CROCC2: variants seen among roughly 807,000 people sequenced by gnomAD.
CROCC2 encodes ciliary rootlet coiled-coil, rootletin family member 2.
A neutral mutation model predicts 177.6 loss-of-function variants in CROCC2; 163 were observed. The ratio of observed to expected loss-of-function variants is 0.92; its 90% CI spans 0.81 to 1.05. CROCC2 has a LOEUF of 1.05. Ranked by LOEUF, CROCC2 falls within the 50% of genes least tolerant of loss-of-function variation. The pLI is 0.00. For missense variants in CROCC2, 1,929 were observed against 1,797.8 expected (o/e 1.07, Z -1.32); for synonymous variants, 904 against 787.3 (o/e 1.15, Z -2.48).
intron 4 of CROCC2, among the ~76,000 whole-genome samples, chr2:240,923,152 G>A (rs947608737): frequency 6.6e-5 from 10 of 152,006 alleles, no homozygotes; most frequent in African/African-American, 1.9e-4. Flanking sequence ...GCCTCTCCAC[G>A]CTCTGCCATC....
At chr2:240,945,900 C>T (rs1415582155) in intron 14 of CROCC2, among the ~76,000 whole-genome samples, 160 bp from the exon 15 acceptor site, 1 of 152,108 alleles carries the variant, frequency 6.6e-6, no homozygotes, top group Non-Finnish European at 1.5e-5. Flanking sequence ...TAAAAACATA[C>T]ATGTGTTTCT....
chr2:240,961,781 TCA>T lies in CROCC2; in HGVS notation c.3088-1767_3088-1766del, dbSNP rs537407707. ...ACTGGCTCTCACACACACACACTCA[TCA>T]CACACACGCACTCACACATACACTC... On this transcript the variant is annotated intron_variant, in intron 20 of 31. Transcript: ENST00000690015. Among the ~76,000 whole-genome samples the T allele has an allele frequency of 1.0e-3, 50 of 48,320 alleles. No homozygotes were observed. The South Asian group carries it at 0.014, about 13-fold the overall frequency. 31.7% of individuals were successfully genotyped at this position (48,320 alleles called of 152,430 possible). A position where few individuals can be genotyped will look rare whatever the true frequency, so the allele number is the denominator to read the frequency against.
intron 14 of CROCC2, among the ~76,000 whole-genome samples, chr2:240,940,844 C>T (rs1413490323): frequency 1.1e-4 from 17 of 152,174 alleles, no homozygotes; most frequent in South Asian, 6.2e-4. Context: ...AATTCTTAGC[C>T]GGAGCAATCA....
intron 5 of CROCC2, among the ~76,000 whole-genome samples, chr2:240,926,727 C>G (rs187341283): frequency 1.6e-4 from 25 of 152,350 alleles, no homozygotes; most frequent in Admixed American, 1.6e-3. Context: ...GAGGTCCCAG[C>G]CCCGAGCCCC....
chr2:240,992,044 A>G (rs930816216), intron 31 of CROCC2, among the ~76,000 whole-genome samples: 60 of 152,278 alleles, frequency 3.9e-4, no homozygotes, highest in African/African-American at 1.4e-3. Flanking sequence ...AGAGCCTCCC[A>G]TGTTCCCGGC....
intron 18 of CROCC2, among the ~76,000 whole-genome samples, chr2:240,954,263 G>A (rs187586979): frequency 8.2e-4 from 125 of 152,290 alleles, no homozygotes; most frequent in Middle Eastern, 6.8e-3. Flanking sequence ...CTGACCCAGA[G>A]AGCACAGACC....
chr2:240,911,017 G>A (rs935489430), intron 1 of CROCC2, among the ~76,000 whole-genome samples: 1 of 152,044 alleles, frequency 6.6e-6, no homozygotes, highest in Non-Finnish European at 1.5e-5. Flanking sequence ...TGTAATCCCA[G>A]CTACTCAGGA....
Position 240,931,142 on chromosome 2 carries a change from G to T in CROCC2, c.947+14G>T. ...GCTCCAGGCCAGGTGGGCGCCCAGG[G>T]CCAGCAAGCTTGCACAGGGAGGGCC... is the stretch of plus-strand genomic sequence containing the variant. On this transcript the variant is annotated intron_variant, in intron 7 of 31. Coordinates refer to ENST00000690015, the MANE Select transcript of CROCC2 (RefSeq NM_001351305.2). 1 of 705,824 alleles carries T rather than the reference G, an allele frequency of 1.4e-6. No homozygotes were observed. 43.7% of individuals were successfully genotyped at this position (705,824 alleles called of 1,614,324 possible).
Position 240,965,992 on chromosome 2 carries a change from A to AG in CROCC2, c.3961+1dup. The AG allele has an allele frequency of 4.4e-6, 6 of 1,360,846 alleles. No individual in the cohort carries two copies. Among genetic ancestry groups the AG allele is most frequent in the Non-Finnish European group, 5.6e-6 (6 of 1,063,978 alleles). The allele number at this position is 1,360,846 out of a possible 1,614,324, so 84.3% of individuals were successfully genotyped here. A position where few individuals can be genotyped will look rare whatever the true frequency, so the allele number is the denominator to read the frequency against. ...CGGAGCAGCCTGGTTCCCCCACCAA[A>AG]GGTCAGAGTCCTCAGTGGAGGCAGG... On this transcript the variant is annotated frameshift_variant and splice_region_variant, in exon 24 of 32. Coordinates refer to ENST00000690015, the MANE Select transcript of CROCC2 (RefSeq NM_001351305.2). LOFTEE classifies it high-confidence loss of function.
rs775868131 is a variant in CROCC2 at position 240,958,902 on chromosome 2, G to A, written c.2944-399G>A. Among the ~76,000 whole-genome samples, 96 of 152,202 alleles carry A rather than the reference G, an allele frequency of 6.3e-4. No individual in the cohort carries two copies. Among genetic ancestry groups the A allele is most frequent in the Non-Finnish European group, 1.2e-3 (82 of 68,010 alleles). On this transcript the variant is annotated intron_variant, in intron 19 of 31. Transcript: ENST00000690015. This position sits in a 1 kb window ranked among gnomAD's most constrained non-coding sequence, Gnocchi z 6.7. ...ATCCCTGCTGGCCACACTGCCCCAAGGCCCGAGAGGACACCTCGGGTGGTG... is the reference window on the plus strand; with the variant it reads ...ATCCCTGCTGGCCACACTGCCCCAAAGCCCGAGAGGACACCTCGGGTGGTG...
chr2:240,915,764 C>T (rs370007756), intron 1 of CROCC2, among the ~76,000 whole-genome samples: 5 of 152,118 alleles, frequency 3.3e-5, no homozygotes, highest in African/African-American at 1.2e-4. Flanking sequence ...GGGCCAGCTA[C>T]CCCTAGCGTA....
At chr2:240,991,634 C>G (rs2059880270) in intron 31 of CROCC2, among the ~76,000 whole-genome samples, 1 of 152,202 alleles carries the variant, frequency 6.6e-6, no homozygotes, top group East Asian at 1.9e-4. Context: ...ACAGCCCCTT[C>G]CCCTCCGGCA....
intron 18 of CROCC2, chr2:240,954,673 T>C (rs2059579157): frequency 6.6e-6 from 1 of 152,190 alleles, no homozygotes; most frequent in African/African-American, 2.4e-5. Flanking sequence ...GGTGGAGTGA[T>C]TGGTTAGGTG....
rs1001122349 is a variant in CROCC2, at chr2:240,949,214, G to T, written c.2482+117G>T. ...CCCTCTCCGGAGCCCACAGGGGCAT[G>T]AACATGAGCTTGGAGCTCATGCGAC... On this transcript the variant is annotated intron_variant, in intron 16 of 31. Transcript: ENST00000690015. The surrounding 1 kb of genome is among the most constrained non-coding windows in gnomAD (Gnocchi z 4.5). 1.2e-5 allele frequency: 17 copies of T among 1,437,788 alleles called. No individual in the cohort carries two copies. The African/African-American group carries it at 2.2e-4, about 18-fold the overall frequency. 89.1% of individuals were successfully genotyped at this position (1,437,788 alleles called of 1,614,324 possible).
chr2:240,944,919 A>G (rs1055930667), intron 14 of CROCC2, among the ~76,000 whole-genome samples: 80 of 152,018 alleles, frequency 5.3e-4, no homozygotes, highest in Non-Finnish European at 1.6e-4. Context: ...GAAAGCATTT[A>G]TTTTTGTTCT....
At chr2:240,944,129 T>G (rs981385960) in intron 14 of CROCC2, among the ~76,000 whole-genome samples, 18 of 152,236 alleles carry the variant, frequency 1.2e-4, no homozygotes, top group African/African-American at 4.3e-4. Context: ...TTTCAGAAAT[T>G]TAATGAAGTC....
At chr2:240,916,060 AC>A (rs2059318213) in intron 1 of CROCC2, among the ~76,000 whole-genome samples, 2 of 152,038 alleles carry the variant, frequency 1.3e-5, no homozygotes, top group Admixed American at 6.5e-5. Flanking sequence ...CCCTGCCTGT[AC>A]CCGCCGGCGC....
Position 240,931,095 on chromosome 2 carries a change from G to A in CROCC2, c.914G>A (p.Arg305His), listed in dbSNP as rs998421985. 5.7e-5 allele frequency: 41 copies of A among 715,006 alleles called. No individual in the cohort carries two copies. The highest frequency in any genetic ancestry group is 2.6e-4 in the African/African-American group (15 of 57,210). 44.3% of individuals were successfully genotyped at this position (715,006 alleles called of 1,614,324 possible). A position where few individuals can be genotyped will look rare whatever the true frequency, so the allele number is the denominator to read the frequency against. ...KAGEMLQLQG[R>H]WDAEKVALQA... ...GGGGAGATGCTGCAGCTGCAGGGCC[G>A]CTGGGACGCAGAGAAGGTGGCGCTC... is the stretch of plus-strand genomic sequence containing the variant. Residue 305 changes from arginine (R) to histidine (H), a missense_variant, in exon 7 of 32, where the codon CGC (arginine) becomes CAC (histidine). This residue lies in a region of CROCC2 where 1,397 missense variants were observed against 1,239.9 expected (regional missense o/e 1.13). Coordinates refer to ENST00000690015, the MANE Select transcript of CROCC2 (RefSeq NM_001351305.2).
intron 28 of CROCC2, chr2:240,983,470 C>CGAGGCGCAGGCGGA (rs1027710023): frequency 8.0e-7 from 1 of 1,244,080 alleles, no homozygotes; most frequent in Non-Finnish European, 1.0e-6. Context: ...AGGAGGCGGC[C>CGAGGCGCAGGCGGA]GAGGCGCAGG....
Sources: gnomAD v4.1 joint callset for allele counts (sites outside exome capture counted in the v4.1 genomes callset) on GRCh38, gnomAD v4.1.1 for gene constraint, gnomAD v4.1.1 regional missense constraint, Gnocchi (gnomAD v3.1) non-coding constraint, MANE v1.5 for transcripts, NCBI Gene and HGNC (gene_info 2026-07-23, HGNC 2026-07-21) for gene names.